The following SDK1 variants were observed in gnomAD, a reference collection of about 807,000 sequenced individuals.
SDK1 encodes sidekick cell adhesion molecule 1, also known as protein sidekick-1.
SDK1 carries 157 observed loss-of-function variants against 245.5 expected under a neutral mutation model. The observed-to-expected ratio is 0.64, with a 90% CI of 0.56 to 0.73. SDK1 has a LOEUF of 0.73. SDK1 is among the 30% of genes least tolerant of loss of function. The probability of loss-of-function intolerance (pLI) is 0.00; values close to 1 mark genes in which losing one functional copy is unlikely to be tolerated. For missense variants in SDK1, 3,583 were observed against 3,002.3 expected (o/e 1.19, Z -4.52); for synonymous variants, 1,647 against 1,278.5 (o/e 1.29, Z -6.15).
intron 41 of SDK1, among the ~76,000 whole-genome samples, chr7:4,235,195 C>G (rs1444154263): frequency 6.6e-6 from 1 of 152,046 alleles, no homozygotes; most frequent in African/African-American, 2.4e-5. Context: ...GATGGAGTCT[C>G]ACTCTGTTGC....
intron 17 of SDK1, among the ~76,000 whole-genome samples, chr7:4,019,810 A>G (rs1786728138): frequency 6.6e-6 from 1 of 151,846 alleles, no homozygotes; most frequent in Admixed American, 6.6e-5. Flanking sequence ...TGTCTTCTTC[A>G]TGTCTTCTGC....
intron 1 of SDK1, among the ~76,000 whole-genome samples, chr7:3,617,777 G>A (rs1457882304): frequency 1.3e-5 from 2 of 152,112 alleles, no homozygotes; most frequent in Non-Finnish European, 2.9e-5. Context: ...ATTCCTGAAG[G>A]TAGAGCCTGC....
chr7:3,928,163 A>C (rs17134054), intron 5 of SDK1, among the ~76,000 whole-genome samples: 55,688 of 152,082 alleles, frequency 0.37, 11,004 homozygotes, highest in African/African-American at 0.52. Context: ...AATTAATAGA[A>C]TTCTCCGTTA....
At chr7:3,978,902 G>A (rs1247365812) in intron 13 of SDK1, among the ~76,000 whole-genome samples, 2 of 152,150 alleles carry the variant, frequency 1.3e-5, no homozygotes, top group Non-Finnish European at 2.9e-5. Flanking sequence ...GAAATTACGA[G>A]CATCTGAAGT....
intron 44 of SDK1, among the ~76,000 whole-genome samples, chr7:4,261,474 C>G (rs1442359943): frequency 1.3e-5 from 2 of 151,592 alleles, no homozygotes; most frequent in African/African-American, 4.8e-5. Context: ...AGAGTGTTTA[C>G]TTCTGAAAGA....
At chr7:4,049,897 C>A (rs1484902035) in intron 18 of SDK1, among the ~76,000 whole-genome samples, 1 of 152,192 alleles carries the variant, frequency 6.6e-6, no homozygotes, top group Non-Finnish European at 1.5e-5. Context: ...AGGGAGAGTT[C>A]TGTTTAAAGA....
intron 20 of SDK1, among the ~76,000 whole-genome samples, chr7:4,070,140 A>G (rs1468932291): frequency 2.6e-5 from 4 of 152,228 alleles, no homozygotes; most frequent in Non-Finnish European, 5.9e-5. Flanking sequence ...ATTGCCATGT[A>G]AAAAATACTA....
chr7:3,677,257 A>G (rs1325153372), intron 4 of SDK1, among the ~76,000 whole-genome samples: 1 of 150,340 alleles, frequency 6.7e-6, no homozygotes, highest in Non-Finnish European at 1.5e-5. Context: ...TTAACATACG[A>G]TAAGCATCTT....
chr7:3,333,792 G>T (rs553751674), intron 1 of SDK1, among the ~76,000 whole-genome samples: 2 of 152,290 alleles, frequency 1.3e-5, no homozygotes, highest in South Asian at 4.1e-4. Context: ...TTATTACAGG[G>T]AATTAAATTT....
At chr7:3,454,316 C>T (rs914675193) in intron 1 of SDK1, among the ~76,000 whole-genome samples, 1 of 150,790 alleles carries the variant, frequency 6.6e-6, no homozygotes, top group Non-Finnish European at 1.5e-5. Context: ...TTTAATGTTA[C>T]GTTTTTTCAG....
At chr7:3,775,411 A>G (rs934311490) in intron 4 of SDK1, among the ~76,000 whole-genome samples, 22 of 151,498 alleles carry the variant, frequency 1.5e-4, no homozygotes, top group Middle Eastern at 3.4e-3. Context: ...ACTTTCAAAG[A>G]AAGCCTTTTT....
chr7:4,261,061 T>A (rs1787970851), intron 44 of SDK1, among the ~76,000 whole-genome samples: 1 of 152,148 alleles, frequency 6.6e-6, no homozygotes, highest in Non-Finnish European at 1.5e-5. Flanking sequence ...ATGTAAATAT[T>A]CCAGTTTGAG....
chr7:3,419,571 T>C (rs933204408), intron 1 of SDK1, among the ~76,000 whole-genome samples: 3 of 152,240 alleles, frequency 2.0e-5, no homozygotes, highest in Non-Finnish European at 4.4e-5. Flanking sequence ...AGGATTCTTC[T>C]GTAGCAGGAG....
rs1025811153 is a variant in SDK1, at chr7:3,754,641, G to A, written c.714-66809G>A. Among the ~76,000 whole-genome samples, 3 of 151,044 alleles carry A rather than the reference G, an allele frequency of 2.0e-5. No homozygotes were observed. In the Admixed American group the frequency reaches 2.0e-4, roughly 10 times the overall value. Reference sequence around the variant, plus strand: ...CCAGGGAAGTTCTCCCCGGATTGCTGACTGGAGAAACAGCATGACGTGGTT... The same window carrying A: ...CCAGGGAAGTTCTCCCCGGATTGCTAACTGGAGAAACAGCATGACGTGGTT... On this transcript the variant is annotated intron_variant, in intron 4 of 44. Transcript: ENST00000404826.
At chr7:3,573,097 T>C (rs977750824) in intron 1 of SDK1, among the ~76,000 whole-genome samples, 1 of 152,002 alleles carries the variant, frequency 6.6e-6, no homozygotes, top group East Asian at 1.9e-4. Flanking sequence ...CAGTTTGCTA[T>C]GAAAATGTCT....
At chr7:3,425,482 GC>G (rs1172159659) in intron 1 of SDK1, among the ~76,000 whole-genome samples, 2 of 152,102 alleles carry the variant, frequency 1.3e-5, no homozygotes, top group African/African-American at 4.8e-5. Context: ...CTTAATACCA[GC>G]ATGATAGATT....
intron 5 of SDK1, among the ~76,000 whole-genome samples, chr7:3,938,397 C>G (rs1399338639): frequency 6.6e-6 from 1 of 151,992 alleles, no homozygotes; most frequent in Non-Finnish European, 1.5e-5. Context: ...AATCCCAGCA[C>G]TTTGGGAGGC....
At chr7:3,327,721 CTG>C (rs1408228145) in intron 1 of SDK1, among the ~76,000 whole-genome samples, 4 of 151,962 alleles carry the variant, frequency 2.6e-5, no homozygotes, top group African/African-American at 9.7e-5. Context: ...ACCTGAATGA[CTG>C]TGTCTTTATT....
chr7:3,814,754 G>A (rs1289994053), intron 4 of SDK1, among the ~76,000 whole-genome samples: 1 of 150,636 alleles, frequency 6.6e-6, no homozygotes, highest in Non-Finnish European at 1.5e-5. Flanking sequence ...AGCATGGAAT[G>A]TTCTTCCATT....
Sources: gnomAD v4.1 joint callset for allele counts (sites outside exome capture counted in the v4.1 genomes callset) on GRCh38, gnomAD v4.1.1 for gene constraint, MANE v1.5 for transcripts, NCBI Gene and HGNC (gene_info 2026-07-23, HGNC 2026-07-21) for gene names.